The following ESRRB variants were observed in gnomAD, a reference collection of about 807,000 sequenced individuals.
The protein encoded by ESRRB is steroid hormone receptor ERR2.
Under a neutral mutation model 46.0 loss-of-function variants are expected in ESRRB, and 16 were observed. That is an observed-to-expected ratio of 0.35 (90% CI 0.24 to 0.53). ESRRB has a LOEUF of 0.53. ESRRB is among the 20% of genes least tolerant of loss of function. The pLI, the probability that ESRRB is intolerant of heterozygous loss-of-function variation, is 0.93. For synonymous variants in ESRRB, 246 were observed against 259.6 expected, an observed-to-expected ratio of 0.95 and a Z score of 0.50; for missense variants, 488 against 607.4, an observed-to-expected ratio of 0.80 and a Z score of 2.07.
chr14:76,469,109 T>C (rs1889250143), intron 3 of ESRRB, among the ~76,000 whole-genome samples: 1 of 152,102 alleles, frequency 6.6e-6, no homozygotes, highest in Non-Finnish European at 1.5e-5. Context: ...TATTTTTTTT[T>C]CTGAGATGGA....
At chr14:76,382,208 A>C (rs1240301460) in intron 1 of ESRRB, among the ~76,000 whole-genome samples, 2 of 152,220 alleles carry the variant, frequency 1.3e-5, no homozygotes, top group African/African-American at 4.8e-5. Flanking sequence ...ATGGGGTGAC[A>C]GTGGACAGGG....
upstream of ESRRB, among the ~76,000 whole-genome samples, chr14:76,375,159 C>G (rs529371425): frequency 2.6e-5 from 4 of 151,560 alleles, no homozygotes; most frequent in East Asian, 7.8e-4. Flanking sequence ...ATACCTACCC[C>G]CCTCCCCACA....
chr14:76,459,846 C>A lies in ESRRB; in HGVS notation c.461-2699C>A, dbSNP rs117340871. 4.9e-3 allele frequency among the ~76,000 whole-genome samples: 739 copies of A among 151,972 alleles called. 3 individuals are homozygous for A. Among genetic ancestry groups the A allele is most frequent in the Non-Finnish European group, 7.3e-3 (499 of 67,952 alleles). On this transcript the variant is annotated intron_variant, in intron 2 of 6. Transcript: ENST00000644823. ...AGCATGACCTCCAGCTCCCTCCCTGCAAGAAATGGGATGGGGAGAAAGGTG... is the reference window on the plus strand; with the variant it reads ...AGCATGACCTCCAGCTCCCTCCCTGAAAGAAATGGGATGGGGAGAAAGGTG...
chr14:76,327,367 C>T (rs1467956949), intron 1 of ESRRB, among the ~76,000 whole-genome samples: 1 of 152,150 alleles, frequency 6.6e-6, no homozygotes, highest in Non-Finnish European at 1.5e-5. Context: ...GAAAATTGGA[C>T]AAGTGTCTCA....
At chr14:76,461,570 G>A (rs376634273) in intron 2 of ESRRB, among the ~76,000 whole-genome samples, 2 of 151,516 alleles carry the variant, frequency 1.3e-5, no homozygotes, top group African/African-American at 2.4e-5. Flanking sequence ...GTGAAGTGGC[G>A]TGATCTCGGC....
At chr14:76,345,233 C>T (rs1189822440) in intron 1 of ESRRB, among the ~76,000 whole-genome samples, 2 of 152,098 alleles carry the variant, frequency 1.3e-5, no homozygotes, top group African/African-American at 4.8e-5. Flanking sequence ...GTAAAAGGAA[C>T]AGTCAGCAGA....
Position 76,499,509 on chromosome 14 carries a change from C to T in ESRRB, c.*1051C>T, listed in dbSNP as rs1354785760. 2 of 394,558 alleles carry T rather than the reference C, an allele frequency of 5.1e-6. No individual in the cohort carries two copies. Among genetic ancestry groups the T allele is most frequent in the Non-Finnish European group, 9.6e-6 (2 of 208,436 alleles). 24.4% of individuals were successfully genotyped at this position (394,558 alleles called of 1,614,324 possible). ...GGAGCCCCAAAGGGAGGGAACTCAG[C>T]GGGGTGGCCTGCCTCATCCTTCCTG... On this transcript the variant is annotated 3_prime_UTR_variant, in exon 7 of 7. Coordinates refer to ENST00000644823, the MANE Select transcript of ESRRB (RefSeq NM_001379180.1).
intron 1 of ESRRB, among the ~76,000 whole-genome samples, chr14:76,435,989 T>C (rs566586668): frequency 2.0e-4 from 31 of 152,240 alleles, no homozygotes; most frequent in African/African-American, 7.5e-4. Flanking sequence ...CCAACCCTGA[T>C]AGAGTTAATA....
chr14:76,440,176 A>G (rs1056706375), intron 2 of ESRRB, among the ~76,000 whole-genome samples: 2 of 152,290 alleles, frequency 1.3e-5, no homozygotes, highest in Non-Finnish European at 1.5e-5. Flanking sequence ...TCTTACTTAT[A>G]CAAGTAAAAC....
intron 1 of ESRRB, among the ~76,000 whole-genome samples, chr14:76,384,153 ATC>A (rs1885126204): frequency 6.6e-6 from 1 of 152,098 alleles, no homozygotes; most frequent in East Asian, 1.9e-4. Context: ...CGCAGTATTT[ATC>A]CTCTTACTTT....
At chr14:76,412,011 C>T (rs992817259) in intron 1 of ESRRB, among the ~76,000 whole-genome samples, 1 of 152,062 alleles carries the variant, frequency 6.6e-6, no homozygotes, top group Admixed American at 6.5e-5. Flanking sequence ...GTCTCTTTAC[C>T]AGTTTTAAAT....
intron 1 of ESRRB, among the ~76,000 whole-genome samples, chr14:76,386,991 C>A (rs1034357363): frequency 6.6e-6 from 1 of 152,090 alleles, no homozygotes; most frequent in Non-Finnish European, 1.5e-5. Context: ...GAACCTGAGA[C>A]CCCAGAAACT....
chr14:76,417,302 A>T (rs866193942), intron 1 of ESRRB, among the ~76,000 whole-genome samples: 7 of 152,210 alleles, frequency 4.6e-5, no homozygotes, highest in African/African-American at 1.7e-4. Flanking sequence ...AGGCCCTGGG[A>T]TGGTGATGAC....
At chr14:76,407,373 G>C (rs1227810830) in intron 1 of ESRRB, 1 of 164,560 alleles carries the variant, frequency 6.1e-6, no homozygotes, top group Non-Finnish European at 1.3e-5. Flanking sequence ...TGTGACCCTA[G>C]AGCCCATGGT....
chr14:76,383,665 T>A (rs1885105719), intron 1 of ESRRB, among the ~76,000 whole-genome samples: 1 of 152,098 alleles, frequency 6.6e-6, no homozygotes, highest in Non-Finnish European at 1.5e-5. Context: ...TGTAGGTGTG[T>A]GGTCTGCCTG....
At chr14:76,446,236 A>C (rs1023745205) in intron 2 of ESRRB, among the ~76,000 whole-genome samples, 1 of 152,252 alleles carries the variant, frequency 6.6e-6, no homozygotes, top group Non-Finnish European at 1.5e-5. Flanking sequence ...ACTCCTCTGC[A>C]CTACATTGAA....
At chr14:76,336,707 C>G (rs72731604) in intron 1 of ESRRB, among the ~76,000 whole-genome samples, 9,945 of 152,250 alleles carry the variant, frequency 0.065, 462 homozygotes, top group Admixed American at 0.092. Context: ...CTGCAGTTCC[C>G]TGGGGGCATC....
rs1566853044 is a variant in ESRRB, at chr14:76,332,569, ATTTATATATTATATAT to A, written c.2+21656_2+21671del. Among the ~76,000 whole-genome samples, 29 of 54,222 alleles carry A rather than the reference ATTTATATATTATATAT, an allele frequency of 5.3e-4. 2 individuals are homozygous for A. Among genetic ancestry groups the A allele is most frequent in the African/African-American group, 1.2e-3 (16 of 13,382 alleles). 35.6% of individuals were successfully genotyped at this position (54,222 alleles called of 152,430 possible). Reference sequence around the variant, plus strand: ...ATATTTATATAATATATATTTATATATTTATATATTATATATTTATATATTATATATTATATATTTA... The same window carrying A: ...ATATTTATATAATATATATTTATATATTATATATTATATATTATATATTTA... On this transcript the variant is annotated intron_variant, in intron 1 of 6. Coordinates refer to the ESRRB transcript ENST00000512784.
chr14:76,444,507 G>A (rs1235204826), intron 2 of ESRRB, among the ~76,000 whole-genome samples: 2 of 151,868 alleles, frequency 1.3e-5, no homozygotes, highest in East Asian at 3.9e-4. Flanking sequence ...GAGAGAAAGG[G>A]ACGTGGTTCT....
Sources: allele counts gnomAD v4.1 joint callset (sites outside exome capture counted in the v4.1 genomes callset), GRCh38; gene constraint gnomAD v4.1.1; transcripts MANE v1.5; gene names NCBI Gene and HGNC (gene_info 2026-07-23, HGNC 2026-07-21).